The following DSCAM variants were observed in gnomAD, a reference collection of about 807,000 sequenced individuals.
DSCAM encodes DS cell adhesion molecule.
DSCAM carries 47 observed loss-of-function variants against 217.7 expected under a neutral mutation model. The observed-to-expected ratio is 0.22, with a 90% confidence interval of 0.17 to 0.28. DSCAM has a LOEUF of 0.28. DSCAM is among the 10% of genes least tolerant of loss of function. The pLI is 1.00. For synonymous variants in DSCAM, 1,056 were observed against 1,015.3 expected (o/e 1.04, Z -0.76); for missense variants, 2,080 against 2,618.3 (o/e 0.79, Z 4.49).
At chr21:40,327,432 T>G (rs570128656) in intron 8 of DSCAM, among the ~76,000 whole-genome samples, 1 of 152,342 alleles carries the variant, frequency 6.6e-6, no homozygotes, top group East Asian at 1.9e-4. Context: ...TTATTACTTC[T>G]AATCCTTTTT....
chr21:40,134,553 T>C (rs2090187687), intron 18 of DSCAM, among the ~76,000 whole-genome samples: 1 of 152,232 alleles, frequency 6.6e-6, no homozygotes, highest in African/African-American at 2.4e-5. Flanking sequence ...TTCAAGTCTA[T>C]AAGACAGTGT....
intron 3 of DSCAM, among the ~76,000 whole-genome samples, chr21:40,569,326 C>A (rs2076788407): frequency 6.6e-6 from 1 of 152,170 alleles, no homozygotes; most frequent in Admixed American, 6.5e-5. Flanking sequence ...AAACCCTTAT[C>A]TAGGTGTTGC....
intron 1 of DSCAM, among the ~76,000 whole-genome samples, chr21:40,743,356 T>G (rs1476419596): frequency 5.3e-5 from 8 of 152,200 alleles, no homozygotes; most frequent in African/African-American, 1.9e-4. Flanking sequence ...GGCAACAACT[T>G]TGCTATATCT....
At chr21:40,035,252 G>A (rs1373429734) in intron 32 of DSCAM, among the ~76,000 whole-genome samples, 3 of 112,526 alleles carry the variant, frequency 2.7e-5, no homozygotes, top group African/African-American at 1.1e-4. Flanking sequence ...CCATCAGTGT[G>A]CTGTATTCAG....
At chr21:40,402,282 G>A (rs1414686452) in intron 3 of DSCAM, among the ~76,000 whole-genome samples, 1 of 150,106 alleles carries the variant, frequency 6.7e-6, no homozygotes, top group Non-Finnish European at 1.5e-5. Flanking sequence ...TGTTAGCCAG[G>A]ATGGTCTCAG....
chr21:40,169,262 C>A (rs189240449), intron 15 of DSCAM, among the ~76,000 whole-genome samples: 1 of 152,040 alleles, frequency 6.6e-6, no homozygotes, highest in Non-Finnish European at 1.5e-5. Context: ...TTGAAAGAAG[C>A]GGGTTGAAAC....
Position 40,312,327 on chromosome 21 carries a change from T to C in DSCAM, c.1816A>G (p.Arg606Gly), listed in dbSNP as rs1569057275. Reference sequence around the variant, plus strand: ...AAGACCCGCTGCCCAATGGAGAATCTTGGAAACTCAAAGGGTTGTATGAAA... The same window carrying C: ...AAGACCCGCTGCCCAATGGAGAATCCTGGAAACTCAAAGGGTTGTATGAAA... ...PPFIQPFEFP[R>G]FSIGQRVFIP... The change falls in exon 9 of 33, where the codon AGA becomes GGA. Residue 606 changes from arginine to glycine, a missense_variant. This residue lies in a region of DSCAM where 218 missense variants were observed against 364.1 expected (regional missense o/e 0.60). Coordinates refer to ENST00000400454, the MANE Select transcript of DSCAM (RefSeq NM_001389.5). 6.2e-7 allele frequency: 1 copy of C among 1,614,000 alleles called. No homozygotes were observed. Among genetic ancestry groups the C allele is most frequent in the African/African-American group, 1.3e-5 (1 of 75,022 alleles).
intron 10 of DSCAM, among the ~76,000 whole-genome samples, chr21:40,282,590 C>CAAAAAAAAAAAAAAAAA (rs528248714): frequency 9.1e-5 from 3 of 32,952 alleles, no homozygotes; most frequent in African/African-American, 1.7e-4. Context: ...GACTCTGTCT[C>CAAAAAAAAAAAAAAAAA]AAAAAAAAAA....
At chr21:40,153,871 T>C (rs2090449347) in intron 16 of DSCAM, among the ~76,000 whole-genome samples, 1 of 152,200 alleles carries the variant, frequency 6.6e-6, no homozygotes, top group Non-Finnish European at 1.5e-5. Flanking sequence ...AAGCAGCAAC[T>C]ATGCATTCCC....
At chr21:40,380,391 T>G (rs1190424860) in intron 3 of DSCAM, among the ~76,000 whole-genome samples, 1 of 152,250 alleles carries the variant, frequency 6.6e-6, no homozygotes, top group African/African-American at 2.4e-5. Context: ...AACTTATAAA[T>G]TGTATTTATT....
intron 5 of DSCAM, among the ~76,000 whole-genome samples, chr21:40,349,156 G>C (rs370022268): frequency 8.6e-5 from 6 of 69,872 alleles, no homozygotes; most frequent in African/African-American, 1.7e-4. Flanking sequence ...AAAAAAAAAA[G>C]AAATGCAACA....
chr21:40,836,230 C>T lies in DSCAM; in HGVS notation c.43+10389G>A, dbSNP rs887283986. Among the ~76,000 whole-genome samples, 3 of 152,212 alleles carry T rather than the reference C, an allele frequency of 2.0e-5. No homozygotes were observed. The South Asian group carries it at 6.2e-4, about 32-fold the overall frequency. On this transcript the variant is annotated intron_variant, in intron 1 of 32. Transcript: ENST00000400454. The stretch of plus-strand genomic sequence containing the variant: ...ATGGTTACAGGCAGGTTTCAAAGGG[C>T]TTCTCTGCTGGGACTCCAGCTGCTA...
intron 11 of DSCAM, among the ~76,000 whole-genome samples, chr21:40,256,113 T>C (rs1391193577): frequency 6.6e-6 from 1 of 152,226 alleles, no homozygotes; most frequent in African/African-American, 2.4e-5. Context: ...CTTGAGTCTT[T>C]AAAACTCTGT....
chr21:40,540,627 G>A (rs1256313480), intron 3 of DSCAM, among the ~76,000 whole-genome samples: 3 of 152,018 alleles, frequency 2.0e-5, no homozygotes, highest in African/African-American at 4.8e-5. Flanking sequence ...GAAAAAGATC[G>A]GTAATAAACA....
At chr21:40,531,245 T>C (rs910010815) in intron 3 of DSCAM, among the ~76,000 whole-genome samples, 1 of 152,106 alleles carries the variant, frequency 6.6e-6, no homozygotes, top group Non-Finnish European at 1.5e-5. Context: ...TGCCTCCCTC[T>C]CCCCAAGGCT....
intron 3 of DSCAM, among the ~76,000 whole-genome samples, chr21:40,666,600 G>C (rs2090202965): frequency 6.6e-6 from 1 of 152,180 alleles, no homozygotes; most frequent in Non-Finnish European, 1.5e-5. Flanking sequence ...TCAGAGGGAA[G>C]GATTCCTTTT....
chr21:40,622,171 GCCT>G (rs2089528830), intron 3 of DSCAM, among the ~76,000 whole-genome samples: 1 of 151,934 alleles, frequency 6.6e-6, no homozygotes, highest in Non-Finnish European at 1.5e-5. Flanking sequence ...ATTATCACCT[GCCT>G]CCTATTTTCT....
intron 1 of DSCAM, among the ~76,000 whole-genome samples, chr21:40,713,714 T>C (rs539196014): frequency 1.3e-5 from 2 of 152,340 alleles, no homozygotes; most frequent in South Asian, 2.1e-4. Flanking sequence ...AATGAGCTCA[T>C]GCATTTTAGC....
At chr21:40,392,427 T>C (rs1005513268) in intron 3 of DSCAM, among the ~76,000 whole-genome samples, 1 of 152,332 alleles carries the variant, frequency 6.6e-6, no homozygotes, top group Non-Finnish European at 1.5e-5. Context: ...TAAATAGTTA[T>C]AGGATGAGAG....
Sources: gnomAD v4.1 joint callset for allele counts (sites outside exome capture counted in the v4.1 genomes callset) on GRCh38, gnomAD v4.1.1 for gene constraint, gnomAD v4.1.1 regional missense constraint, MANE v1.5 for transcripts, NCBI Gene and HGNC (gene_info 2026-07-23, HGNC 2026-07-21) for gene names.